The following SNX10 variants were observed in gnomAD, a reference collection of about 807,000 sequenced individuals.
The protein encoded by SNX10 is sorting nexin-10.
Under a neutral mutation model 28.5 loss-of-function variants are expected in SNX10, and 25 were observed. The observed-to-expected ratio is 0.88, with a 90% CI of 0.64 to 1.22. The LOEUF is 1.22. SNX10 is among the 50% of genes most tolerant of loss of function. SNX10 has a pLI of 0.00. For missense variants in SNX10, 223 were observed against 242.6 expected (o/e 0.92, Z 0.54); for synonymous variants, 62 against 81.4 (o/e 0.76, Z 1.28).
intron 1 of SNX10, among the ~76,000 whole-genome samples, chr7:26,310,889 T>C (rs1786814262): frequency 6.6e-6 from 1 of 152,048 alleles, no homozygotes; most frequent in East Asian, 1.9e-4. Flanking sequence ...TTCACCGTGT[T>C]AGCCAGGATG....
chr7:26,292,750 A>G (rs1208039143), intron 1 of SNX10, among the ~76,000 whole-genome samples: 6 of 152,246 alleles, frequency 3.9e-5, no homozygotes, highest in Non-Finnish European at 8.8e-5. Context: ...AGACACGTTA[A>G]AAATGATGGT....
chr7:26,368,494 G>C (rs1178925519), intron 5 of SNX10, among the ~76,000 whole-genome samples: 2 of 152,088 alleles, frequency 1.3e-5, no homozygotes, highest in African/African-American at 4.8e-5. Flanking sequence ...CTAATTTTTA[G>C]GTTTGAATGG....
At chr7:26,342,037 T>C (rs1788201538) in intron 1 of SNX10, among the ~76,000 whole-genome samples, 1 of 141,640 alleles carries the variant, frequency 7.1e-6, no homozygotes, top group Non-Finnish European at 1.5e-5. Flanking sequence ...TCTTTTTTTT[T>C]TTTTTTTAGA....
At chr7:26,318,617 G>T (rs1787185532) in intron 1 of SNX10, among the ~76,000 whole-genome samples, 1 of 151,978 alleles carries the variant, frequency 6.6e-6, no homozygotes, top group Admixed American at 6.6e-5. Flanking sequence ...ATAGGTGCCT[G>T]CCGAAAAAAA....
Position 26,364,585 on chromosome 7 carries a change from T to A in SNX10, c.162T>A (p.Tyr54Ter), listed in dbSNP as rs377321694. The change falls in exon 4 of 7, where the codon TAT (tyrosine) becomes TAA (stop). Residue 54 changes from tyrosine (Y) to a stop codon, truncating the protein, a stop_gained. Coordinates refer to ENST00000338523, the MANE Select transcript of SNX10 (RefSeq NM_013322.3). LOFTEE classifies it high-confidence loss of function. This position sits in a 1 kb window ranked among gnomAD's most constrained non-coding sequence, Gnocchi z 4.9. ...TMKTSCVRRR[Y>*]REFVWLRQRL... ...AAACATCCTGTGTACGAAGAAGATATAGAGAATTCGTGTGGCTGAGGCAGA... is the reference window on the plus strand; with the variant it reads ...AAACATCCTGTGTACGAAGAAGATAAAGAGAATTCGTGTGGCTGAGGCAGA... 6.2e-7 allele frequency: 1 copy of A among 1,614,022 alleles called. No individual in the cohort carries two copies. Among genetic ancestry groups the A allele is most frequent in the South Asian group, 1.1e-5 (1 of 91,074 alleles).
At position 26,346,499 on chromosome 7, in the gene SNX10, C is replaced by T. The variant is rs990577678; in HGVS notation, c.24+33C>T. The T allele has an allele frequency of 1.2e-5, 19 of 1,530,580 alleles. No individual in the cohort carries two copies. The Admixed American group carries it at 2.3e-4, about 19-fold the overall frequency. 94.8% of individuals were successfully genotyped at this position (1,530,580 alleles called of 1,614,324 possible). A position where few individuals can be genotyped will look rare whatever the true frequency, so the allele number is the denominator to read the frequency against. On this transcript the variant is annotated intron_variant, in intron 2 of 6. Transcript: ENST00000338523. Reference sequence around the variant, plus strand: ...ATCACAAATCCAAAAATAAATAACCCACTTATTTTGATTCACACAGGTTAG... The same window carrying T: ...ATCACAAATCCAAAAATAAATAACCTACTTATTTTGATTCACACAGGTTAG...
intron 2 of SNX10, among the ~76,000 whole-genome samples, chr7:26,359,847 A>G (rs1253366398): frequency 6.6e-6 from 1 of 152,124 alleles, no homozygotes; most frequent in East Asian, 1.9e-4. Flanking sequence ...TAGTAGAGAC[A>G]GTGTTTCACC....
At chr7:26,309,685 T>C (rs570546648) in intron 1 of SNX10, among the ~76,000 whole-genome samples, 4 of 152,268 alleles carry the variant, frequency 2.6e-5, no homozygotes, top group Non-Finnish European at 5.9e-5. Context: ...CACTTTGGGT[T>C]GGTATTTTTC....
intron 5 of SNX10, among the ~76,000 whole-genome samples, chr7:26,369,594 G>A (rs1789424057): frequency 6.6e-6 from 1 of 152,124 alleles, no homozygotes. Context: ...GTACCTAGCC[G>A]ACTCACTGGT....
chr7:26,322,969 C>T (rs145985849), intron 1 of SNX10, among the ~76,000 whole-genome samples: 1 of 152,048 alleles, frequency 6.6e-6, no homozygotes, highest in African/African-American at 2.4e-5. Context: ...AATAGTGGAC[C>T]GGGTACGGTG....
chr7:26,295,250 T>A (rs1786065511), intron 1 of SNX10, among the ~76,000 whole-genome samples: 1 of 151,944 alleles, frequency 6.6e-6, no homozygotes, highest in South Asian at 2.1e-4. Context: ...TTTGTAGAGA[T>A]GGGGTTTTGC....
intron 2 of SNX10, among the ~76,000 whole-genome samples, chr7:26,355,165 G>T (rs1788769890): frequency 6.7e-6 from 1 of 149,298 alleles, no homozygotes; most frequent in South Asian, 2.1e-4. Context: ...GTCTCCCTCT[G>T]GGTTTTCTGT....
rs1434471678 is a variant in SNX10, at chr7:26,361,066, G to A, written c.111+5G>A. On this transcript the variant is annotated splice_donor_5th_base_variant and intron_variant, in intron 3 of 6. Coordinates refer to ENST00000338523, the MANE Select transcript of SNX10 (RefSeq NM_013322.3). ...GACTATGAGATATGTATTCATGTAAGTATGTAGTCAGTAGAAATAGTAATT... is the reference window on the plus strand; with the variant it reads ...GACTATGAGATATGTATTCATGTAAATATGTAGTCAGTAGAAATAGTAATT... The A allele has an allele frequency of 6.3e-7, 1 of 1,591,726 alleles. No individual in the cohort carries two copies. The highest frequency in any genetic ancestry group is 1.1e-5 in the South Asian group (1 of 87,984).
At chr7:26,305,305 A>T (rs1194156766) in intron 1 of SNX10, among the ~76,000 whole-genome samples, 1 of 152,234 alleles carries the variant, frequency 6.6e-6, no homozygotes, top group Non-Finnish European at 1.5e-5. Context: ...GTCAAAGTAC[A>T]GGGCAGAACA....
chr7:26,312,033 A>T (rs1004017339), intron 1 of SNX10, among the ~76,000 whole-genome samples: 1 of 152,248 alleles, frequency 6.6e-6, no homozygotes, highest in South Asian at 2.1e-4. Flanking sequence ...GTCAGCTGTC[A>T]TGGAACAGTG....
chr7:26,307,510 C>T (rs1209590034), intron 1 of SNX10, among the ~76,000 whole-genome samples: 1 of 152,102 alleles, frequency 6.6e-6, no homozygotes, highest in Non-Finnish European at 1.5e-5. Context: ...TGTAGTGGCA[C>T]GATCTCAGCT....
rs554212379 is a variant in SNX10, at chr7:26,322,055, A to G, written c.-23-24365A>G. On this transcript the variant is annotated intron_variant, in intron 1 of 6. Coordinates refer to ENST00000338523, the MANE Select transcript of SNX10 (RefSeq NM_013322.3). ...CCATGATGGCAGACATCACTAATTG[A>G]TCCTGTTCTTTTGAACATGATCCAG... is the stretch of plus-strand genomic sequence containing the variant. 5.9e-5 allele frequency among the ~76,000 whole-genome samples: 9 copies of G among 152,150 alleles called. No individual in the cohort carries two copies. In the South Asian group the frequency reaches 1.7e-3, roughly 28 times the overall value.
At chr7:26,306,818 C>T (rs946550617) in intron 1 of SNX10, among the ~76,000 whole-genome samples, 10 of 152,202 alleles carry the variant, frequency 6.6e-5, no homozygotes, top group Admixed American at 3.9e-4. Flanking sequence ...CTGGCACAGT[C>T]GGAGCCAGGC....
At chr7:26,308,397 C>T (rs972080754) in intron 1 of SNX10, among the ~76,000 whole-genome samples, 2 of 152,190 alleles carry the variant, frequency 1.3e-5, no homozygotes, top group Non-Finnish European at 2.9e-5. Context: ...AACAGACAGG[C>T]CTTTCTGGGT....
Sources: gnomAD v4.1 joint callset for allele counts (sites outside exome capture counted in the v4.1 genomes callset) on GRCh38, gnomAD v4.1.1 for gene constraint, Gnocchi (gnomAD v3.1) non-coding constraint, MANE v1.5 for transcripts, NCBI Gene and HGNC (gene_info 2026-07-23, HGNC 2026-07-21) for gene names.